The following IQGAP2 variants were observed in gnomAD, a reference collection of about 807,000 sequenced individuals.
IQGAP2 encodes ras GTPase-activating-like protein IQGAP2.
A neutral mutation model predicts 201.3 loss-of-function variants in IQGAP2; 173 were observed. That is an observed-to-expected ratio of 0.86 (90% CI 0.76 to 0.98). The LOEUF (loss-of-function observed/expected upper bound fraction) is 0.98. Among genes scored for constraint, IQGAP2 ranks in the 50% least tolerant of loss-of-function variants. The pLI is 0.00. For synonymous variants in IQGAP2, 675 were observed against 673.9 expected (o/e 1.00, Z -0.03); for missense variants, 1,687 against 1,864.8 (o/e 0.90, Z 1.76).
intron 27 of IQGAP2, 83 bp from the exon 28 acceptor site, chr5:76,677,135 A>G: frequency 2.2e-6 from 3 of 1,344,108 alleles, no homozygotes; most frequent in Non-Finnish European, 2.1e-6. Flanking sequence ...ACATGTCATC[A>G]TTCAAAATTT....
chr5:76,421,444 T>C (rs1294950690), intron 1 of IQGAP2, among the ~76,000 whole-genome samples: 1 of 151,906 alleles, frequency 6.6e-6, no homozygotes, highest in Non-Finnish European at 1.5e-5. Flanking sequence ...CAAAACCCTA[T>C]CCTCTGCAAA....
intron 2 of IQGAP2, among the ~76,000 whole-genome samples, chr5:76,485,258 G>A (rs1756047232): frequency 6.6e-6 from 1 of 152,094 alleles, no homozygotes; most frequent in Non-Finnish European, 1.5e-5. Context: ...ATGCTTCTTC[G>A]GTAAGTATAT....
At chr5:76,520,753 G>A (rs1484856938) in intron 2 of IQGAP2, among the ~76,000 whole-genome samples, 2 of 136,142 alleles carry the variant, frequency 1.5e-5, no homozygotes, top group Non-Finnish European at 3.0e-5. Context: ...ACGCAGGCTG[G>A]AGTGCAGTGA....
intron 2 of IQGAP2, among the ~76,000 whole-genome samples, chr5:76,504,549 C>T (rs2150173046): frequency 6.6e-6 from 1 of 152,260 alleles, no homozygotes; most frequent in Non-Finnish European, 1.5e-5. Flanking sequence ...TGTGTAGCTC[C>T]AGCCCAGGCC....
chr5:76,501,831 G>T (rs564082696), intron 2 of IQGAP2, among the ~76,000 whole-genome samples: 1 of 151,508 alleles, frequency 6.6e-6, no homozygotes, highest in African/African-American at 2.4e-5. Context: ...TCGTAGAGGC[G>T]GGGGTTTCAC....
intron 35 of IQGAP2, among the ~76,000 whole-genome samples, chr5:76,704,625 G>T (rs2150569682): frequency 1.3e-5 from 2 of 152,324 alleles, no homozygotes; most frequent in Non-Finnish European, 2.9e-5. Flanking sequence ...AAATAAAAAT[G>T]CAGTGCCCTG....
In IQGAP2 at chr5:76,695,619, G is replaced by T; in HGVS notation, c.4159G>T (p.Val1387Leu). The part of the protein sequence containing the change: ...NLRTLEQTGH[V>L]SSENKYQDIL... The stretch of plus-strand genomic sequence containing the variant: ...TCGGACGTTGGAACAGACTGGACAC[G>T]TGTCATCCGAAAATAAATACCAAGA... The change falls in exon 32 of 36, where the codon GTG becomes TTG. Residue 1387 changes from valine (V) to leucine (L), a missense_variant. Val to Leu is a conservative substitution (Grantham distance 32). Transcript: ENST00000274364. 2 of 1,614,102 alleles carry T rather than the reference G, an allele frequency of 1.2e-6. No homozygotes were observed. The highest frequency in any genetic ancestry group is 1.7e-6 in the Non-Finnish European group (2 of 1,180,000).
chr5:76,697,848 A>C (rs1395313917), intron 32 of IQGAP2, 139 bp from the exon 33 acceptor site: 1 of 598,732 alleles, frequency 1.7e-6, no homozygotes, highest in African/African-American at 1.9e-5. Context: ...GTTGAGAGTA[A>C]AATAAGGTGC....
chr5:76,597,597 A>G lies in IQGAP2; in HGVS notation c.1066A>G (p.Thr356Ala), dbSNP rs751860358. 1 of 1,613,836 alleles carries G rather than the reference A, an allele frequency of 6.2e-7. No homozygotes were observed. Among genetic ancestry groups the G allele is most frequent in the Non-Finnish European group, 8.5e-7 (1 of 1,179,916 alleles). The change falls in exon 10 of 36, where the codon ACC (threonine) becomes GCC (alanine). Residue 356 changes from threonine to alanine, a missense_variant. Physicochemically the swap from Thr to Ala is moderately conservative, Grantham distance 58. Coordinates refer to ENST00000274364, the MANE Select transcript of IQGAP2 (RefSeq NM_006633.5). Reference protein sequence around the residue: ...NELFNLQKQNTMNYLAHEELL... With the variant: ...NELFNLQKQNAMNYLAHEELL... The stretch of plus-strand genomic sequence containing the variant: ...ACTTTTCAACCTCCAGAAACAGAAC[A>G]CCATGGTAAGTCAGAGGAGACCCCA...
chr5:76,489,820 T>C (rs1047594531), intron 2 of IQGAP2, among the ~76,000 whole-genome samples: 1 of 152,214 alleles, frequency 6.6e-6, no homozygotes, highest in African/African-American at 2.4e-5. Flanking sequence ...AATTAAGCTG[T>C]TGTTTTTATG....
At chr5:76,509,135 G>C (rs1054274241) in intron 2 of IQGAP2, among the ~76,000 whole-genome samples, 2 of 151,838 alleles carry the variant, frequency 1.3e-5, no homozygotes, top group Non-Finnish European at 2.9e-5. Context: ...TTTAAACTCT[G>C]CTTAAGAAAA....
chr5:76,559,434 G>A (rs62361997), intron 2 of IQGAP2, among the ~76,000 whole-genome samples: 23,506 of 152,154 alleles, frequency 0.15, 1,981 homozygotes, highest in Admixed American at 0.27. Context: ...GCTGCCAGGA[G>A]CTCCCTGCTT....
intron 2 of IQGAP2, among the ~76,000 whole-genome samples, chr5:76,561,033 C>G (rs1744328594): frequency 6.6e-6 from 1 of 152,232 alleles, no homozygotes; most frequent in Non-Finnish European, 1.5e-5. Flanking sequence ...CTGCCTCTGT[C>G]TCAAAATATC....
At chr5:76,514,149 G>A (rs578097385) in intron 2 of IQGAP2, among the ~76,000 whole-genome samples, 17 of 149,152 alleles carry the variant, frequency 1.1e-4, no homozygotes, top group South Asian at 2.1e-4. Context: ...TCAGCTTCCC[G>A]AGTAGATGGG....
chr5:76,463,020 G>C (rs1387275196), intron 2 of IQGAP2, among the ~76,000 whole-genome samples: 1 of 151,530 alleles, frequency 6.6e-6, no homozygotes, highest in African/African-American at 2.4e-5. Context: ...CCACTCCTGA[G>C]GCTAAGGTGG....
intron 2 of IQGAP2, among the ~76,000 whole-genome samples, chr5:76,508,231 G>A (rs1290440634): frequency 1.3e-5 from 2 of 148,418 alleles, no homozygotes; most frequent in African/African-American, 5.0e-5. Flanking sequence ...CTACTCGGGA[G>A]GCTGAGGCAT....
intron 3 of IQGAP2, among the ~76,000 whole-genome samples, chr5:76,567,725 A>C (rs960746656): frequency 7.2e-5 from 11 of 152,202 alleles, no homozygotes; most frequent in Non-Finnish European, 1.6e-4. Context: ...TAAAATAAGC[A>C]AATTTGGATA....
In IQGAP2 at chr5:76,658,626, A is replaced by G. The variant is rs1036648540; in HGVS notation, c.2488A>G (p.Ile830Val). The change falls in exon 21 of 36, where the codon ATC (isoleucine) becomes GTC (valine). Residue 830 changes from isoleucine to valine, a missense_variant. Coordinates refer to ENST00000274364, the MANE Select transcript of IQGAP2 (RefSeq NM_006633.5). The stretch of plus-strand genomic sequence containing the variant: ...GGAAAAAGACCTGAACCTGATGGAC[A>G]TCAAGATTGGACTGCTGGTGAAGAA... Reference protein sequence around the residue: ...QLEKDLNLMDIKIGLLVKNRI... With the variant: ...QLEKDLNLMDVKIGLLVKNRI... The G allele has an allele frequency of 6.2e-7, 1 of 1,613,994 alleles. No individual in the cohort carries two copies. Among genetic ancestry groups the G allele is most frequent in the Non-Finnish European group, 8.5e-7 (1 of 1,179,964 alleles).
At chr5:76,661,761 C>G (rs1743269032) in intron 21 of IQGAP2, among the ~76,000 whole-genome samples, 1 of 152,102 alleles carries the variant, frequency 6.6e-6, no homozygotes, top group South Asian at 2.1e-4. Flanking sequence ...GTAGGTTTAC[C>G]AAGCTAATTA....
Sources: allele counts gnomAD v4.1 joint callset (sites outside exome capture counted in the v4.1 genomes callset), GRCh38; gene constraint gnomAD v4.1.1; transcripts MANE v1.5; gene names NCBI Gene and HGNC (gene_info 2026-07-23, HGNC 2026-07-21).